Variants in TBC1D2B observed in about 807,000 individuals in gnomAD.
TBC1D2B encodes TBC1 domain family, member 2B.
A neutral mutation model predicts 100.8 loss-of-function variants in TBC1D2B; 64 were observed. The ratio of observed to expected loss-of-function variants is 0.64; its 90% CI spans 0.52 to 0.78. The LOEUF is 0.78. Ranked by LOEUF, TBC1D2B falls within the 30% of genes least tolerant of loss-of-function variation. The probability of loss-of-function intolerance (pLI) is 0.00; values close to 1 mark genes in which losing one functional copy is unlikely to be tolerated. For synonymous variants in TBC1D2B, 480 were observed against 479.7 expected (o/e 1.00, Z -0.01); for missense variants, 1,052 against 1,218.4 (o/e 0.86, Z 2.03).
intron 1 of TBC1D2B, among the ~76,000 whole-genome samples, chr15:78,062,626 T>C (rs2073571009): frequency 6.6e-6 from 1 of 152,212 alleles, no homozygotes; most frequent in Admixed American, 6.5e-5. Context: ...AACATCTTTC[T>C]ACCCATAAAT....
intron 7 of TBC1D2B, among the ~76,000 whole-genome samples, chr15:78,017,532 C>T (rs1471183121): frequency 6.6e-6 from 1 of 152,166 alleles, no homozygotes; most frequent in African/African-American, 2.4e-5. Context: ...AACAAAGGTA[C>T]ACAAAGAAAG....
intron 1 of TBC1D2B, among the ~76,000 whole-genome samples, chr15:78,074,421 T>C (rs1283114190): frequency 6.6e-6 from 1 of 152,166 alleles, no homozygotes; most frequent in African/African-American, 2.4e-5. Flanking sequence ...CAATTTAATT[T>C]TACATGTCAA....
chr15:78,040,851 A>AAAGAAAGG (rs2073069424), intron 3 of TBC1D2B, among the ~76,000 whole-genome samples: 1 of 134,224 alleles, frequency 7.5e-6, no homozygotes, highest in Non-Finnish European at 1.6e-5. Context: ...AGAAAGAAAG[A>AAAGAAAGG]AAGGAAGAAA....
At chr15:78,076,072 A>T (rs2073823832) in intron 1 of TBC1D2B, among the ~76,000 whole-genome samples, 1 of 152,112 alleles carries the variant, frequency 6.6e-6, no homozygotes. Context: ...CAAAGCCTGG[A>T]AAAAGGATAC....
At chr15:78,020,415 C>T (rs1189294360) in intron 6 of TBC1D2B, among the ~76,000 whole-genome samples, 1 of 152,174 alleles carries the variant, frequency 6.6e-6, no homozygotes, top group Non-Finnish European at 1.5e-5. Context: ...CAGATACTTT[C>T]TCTAGAACGA....
intron 10 of TBC1D2B, among the ~76,000 whole-genome samples, chr15:78,005,817 G>A (rs2072050872): frequency 6.6e-6 from 1 of 152,120 alleles, no homozygotes; most frequent in African/African-American, 2.4e-5. Context: ...TCTATTACTT[G>A]TATAGTCAGG....
intron 3 of TBC1D2B, among the ~76,000 whole-genome samples, chr15:78,033,120 G>C (rs2072857924): frequency 6.6e-6 from 1 of 152,136 alleles, no homozygotes; most frequent in Non-Finnish European, 1.5e-5. Flanking sequence ...ATTTGCAAAA[G>C]AAATAAAGGA....
intron 2 of TBC1D2B, among the ~76,000 whole-genome samples, chr15:78,049,078 T>A (rs1162052027): frequency 6.6e-6 from 1 of 151,898 alleles, no homozygotes; most frequent in Admixed American, 6.6e-5. Context: ...TCAATGTGAG[T>A]TTTAATACAG....
Position 78,052,279 on chromosome 15 carries a change from C to T in TBC1D2B, c.514+1755G>A, listed in dbSNP as rs556661935. ...ATGCACTTCCTCAGAGAGGCCCTAACTGCCAGAAACTATGCACAGCCCACT... is the reference window on the plus strand; with the variant it reads ...ATGCACTTCCTCAGAGAGGCCCTAATTGCCAGAAACTATGCACAGCCCACT... On this transcript the variant is annotated intron_variant, in intron 2 of 12. Transcript: ENST00000300584. Among the ~76,000 whole-genome samples the T allele has an allele frequency of 8.9e-4, 135 of 152,178 alleles. 1 individual carries two copies. The highest frequency in any genetic ancestry group is 1.6e-3 in the Non-Finnish European group (109 of 68,038).
At chr15:78,024,121 C>T in intron 6 of TBC1D2B, 35 bp downstream of exon 6, 2 of 1,574,062 alleles carry the variant, frequency 1.3e-6, no homozygotes, top group Non-Finnish European at 1.7e-6. Flanking sequence ...GGTGGTCTCT[C>T]ATGCCAATCA....
chr15:78,040,884 G>GAAAGAAAAAGAA (rs1307551330), intron 3 of TBC1D2B, among the ~76,000 whole-genome samples: 1 of 90,372 alleles, frequency 1.1e-5, no homozygotes, highest in African/African-American at 3.8e-5. Flanking sequence ...GAAAGAAAGA[G>GAAAGAAAAAGAA]AGAGAGAGAG....
chr15:78,057,603 G>A (rs1265410853), intron 1 of TBC1D2B, among the ~76,000 whole-genome samples: 3 of 152,110 alleles, frequency 2.0e-5, no homozygotes, highest in African/African-American at 7.2e-5. Flanking sequence ...CCGACACGGT[G>A]CCACTGCACT....
At chr15:78,028,229 C>G (rs1051169922) in intron 4 of TBC1D2B, among the ~76,000 whole-genome samples, 1 of 152,122 alleles carries the variant, frequency 6.6e-6, no homozygotes, top group African/African-American at 2.4e-5. Flanking sequence ...AATCTCAGTA[C>G]TTTGGGAGAC....
At chr15:78,018,727 G>C (rs2072439794) in intron 6 of TBC1D2B, among the ~76,000 whole-genome samples, 1 of 152,122 alleles carries the variant, frequency 6.6e-6, no homozygotes, top group Admixed American at 6.6e-5. Context: ...AAGCTGAAAG[G>C]ATCCAACAGC....
chr15:78,050,636 G>T (rs1382356855), intron 2 of TBC1D2B, among the ~76,000 whole-genome samples: 1 of 152,264 alleles, frequency 6.6e-6, no homozygotes, highest in Non-Finnish European at 1.5e-5. Context: ...TTGAAACTAG[G>T]TCTTTATCTA....
intron 2 of TBC1D2B, among the ~76,000 whole-genome samples, chr15:78,051,689 T>C (rs1415199375): frequency 6.6e-6 from 1 of 152,224 alleles, no homozygotes; most frequent in African/African-American, 2.4e-5. Context: ...AAATCAGTTA[T>C]AAAAACATTC....
chr15:78,005,277 T>G (rs2072036624), intron 10 of TBC1D2B, among the ~76,000 whole-genome samples: 1 of 152,222 alleles, frequency 6.6e-6, no homozygotes, highest in Non-Finnish European at 1.5e-5. Context: ...AATGACTGTG[T>G]CATTCATCTC....
At chr15:78,061,286 T>C (rs1033458357) in intron 1 of TBC1D2B, among the ~76,000 whole-genome samples, 1 of 150,798 alleles carries the variant, frequency 6.6e-6, no homozygotes, top group Non-Finnish European at 1.5e-5. Flanking sequence ...AATATAATAA[T>C]AATAGGCCAG....
intron 6 of TBC1D2B, among the ~76,000 whole-genome samples, chr15:78,021,999 G>A (rs1264411467): frequency 1.3e-5 from 2 of 152,120 alleles, no homozygotes; most frequent in Non-Finnish European, 2.9e-5. Context: ...TGTCACGCAC[G>A]CCCTGGAAAC....
Sources: gnomAD v4.1 joint callset for allele counts (sites outside exome capture counted in the v4.1 genomes callset) on GRCh38, gnomAD v4.1.1 for gene constraint, MANE v1.5 for transcripts, NCBI Gene and HGNC (gene_info 2026-07-23, HGNC 2026-07-21) for gene names.